DHX9: variants seen among roughly 807,000 people sequenced by gnomAD.
DHX9 encodes DExH-box helicase 9.
A neutral mutation model predicts 148.7 loss-of-function variants in DHX9; 27 were observed. That is an observed-to-expected ratio of 0.18 (90% CI 0.13 to 0.25). The LOEUF (loss-of-function observed/expected upper bound fraction) is 0.25, where lower values mean the gene tolerates loss of function less well. Ranked by LOEUF, DHX9 falls within the 10% of genes least tolerant of loss-of-function variation. The pLI is 1.00. For missense variants in DHX9, 796 were observed against 1,559.6 expected, an observed-to-expected ratio of 0.51 and a Z score of 8.25; for synonymous variants, 529 against 516.6, an observed-to-expected ratio of 1.02 and a Z score of -0.33.
chr1:182,861,087 A>G (rs1668354913), intron 12 of DHX9, among the ~76,000 whole-genome samples: 1 of 152,202 alleles, frequency 6.6e-6, no homozygotes, highest in Non-Finnish European at 1.5e-5. Flanking sequence ...TATATCTGAA[A>G]CTTTTTAACA....
chr1:182,885,118 T>G (rs1157856868), intron 27 of DHX9, among the ~76,000 whole-genome samples: 1 of 152,232 alleles, frequency 6.6e-6, no homozygotes, highest in South Asian at 2.1e-4. Context: ...ACAGCCCAGA[T>G]AGCCCTTTTT....
chr1:182,857,513 G>A (rs1245671167), intron 7 of DHX9, among the ~76,000 whole-genome samples: 2 of 152,146 alleles, frequency 1.3e-5, no homozygotes, highest in Non-Finnish European at 2.9e-5. Context: ...GACTTTACAG[G>A]TCACACATTG....
intron 19 of DHX9, 96 bp downstream of exon 19, chr1:182,876,999 C>T (rs1308197674): frequency 3.7e-5 from 30 of 801,398 alleles, no homozygotes; most frequent in South Asian, 2.5e-4. Context: ...TTTTAAACTC[C>T]TGTGTTCTTA....
rs775429760 is a variant in DHX9 at position 182,880,596 on chromosome 1, G to C, written c.2612G>C (p.Gly871Ala). 22 of 1,609,714 alleles carry C rather than the reference G, an allele frequency of 1.4e-5. No homozygotes were observed. Among genetic ancestry groups the C allele is most frequent in the Non-Finnish European group, 1.9e-5 (22 of 1,176,422 alleles). The change falls in exon 22 of 28, where the codon GGG (glycine) becomes GCG (alanine). Residue 871 changes from glycine (G) to alanine (A), a missense_variant. Gly to Ala is a moderately conservative substitution (Grantham distance 60). Coordinates refer to ENST00000367549, the MANE Select transcript of DHX9 (RefSeq NM_001357.5). Reference protein sequence around the residue: ...EPRFGKMMIMGCIFYVGDAIC... With the variant: ...EPRFGKMMIMACIFYVGDAIC... ...CGTTTTGGCAAAATGATGATAATGG[G>C]GTGTATTTTCTAGTAAGTGCTTTGT...
chr1:182,875,101 A>G, intron 16 of DHX9, 147 bp downstream of exon 16: 1 of 716,788 alleles, frequency 1.4e-6, no homozygotes, highest in Admixed American at 2.1e-5. Flanking sequence ...TAATTGATGT[A>G]TTTTACTGCA....
At chr1:182,880,051 T>G (rs57808357) in intron 21 of DHX9, among the ~76,000 whole-genome samples, 3,940 of 152,214 alleles carry the variant, frequency 0.026, 170 homozygotes, top group African/African-American at 0.09. Flanking sequence ...CTTGCTAAAC[T>G]TGTTAGAGGT....
chr1:182,852,153 TC>T (rs1557966468), intron 3 of DHX9, 79 bp from the exon 4 acceptor site: 5 of 791,394 alleles, frequency 6.3e-6, no homozygotes, highest in Non-Finnish European at 1.0e-5. Context: ...GACACATGGG[TC>T]CTTTTAAGTA....
chr1:182,867,413 G>GT (rs560211039), intron 14 of DHX9, among the ~76,000 whole-genome samples: 5 of 151,698 alleles, frequency 3.3e-5, no homozygotes, highest in Non-Finnish European at 7.4e-5. Flanking sequence ...TTTTTGTTTT[G>GT]TTTTTTTGAG....
rs1262086715 is a variant in DHX9 at position 182,883,289 on chromosome 1, T to C, written c.3065T>C (p.Ile1022Thr). The change falls in exon 25 of 28, where the codon ATC becomes ACC. Residue 1022 changes from isoleucine to threonine, a missense_variant. Around this residue, in one of 14 missense-constraint regions of DHX9, gnomAD observed 14 missense variants for 87.5 expected, o/e 0.16. Transcript: ENST00000367549. ...ACCACTGAAGGGCGTAATGCACTTA[T>C]CCACAAATCATCTGTTAATTGTCCT... ...ILTTEGRNALIHKSSVNCPFS... is the reference protein window; with the variant it reads ...ILTTEGRNALTHKSSVNCPFS... 1.2e-6 allele frequency: 2 copies of C among 1,614,072 alleles called. No homozygotes were observed. Among genetic ancestry groups the C allele is most frequent in the Non-Finnish European group, 1.7e-6 (2 of 1,180,020 alleles).
chr1:182,880,712 C>T (rs1286606515), intron 22 of DHX9, 104 bp downstream of exon 22: 6 of 707,860 alleles, frequency 8.5e-6, no homozygotes, highest in Non-Finnish European at 1.4e-5. Flanking sequence ...AAAAAAAATC[C>T]TAAATGTTCT....
intron 3 of DHX9, among the ~76,000 whole-genome samples, chr1:182,848,352 G>C (rs1668070218): frequency 6.6e-6 from 1 of 152,316 alleles, no homozygotes; most frequent in Non-Finnish European, 1.5e-5. Context: ...TGAAGGCCAG[G>C]GATGCTGCTA....
chr1:182,875,613 T>G (rs1648725705), intron 16 of DHX9, among the ~76,000 whole-genome samples: 2 of 145,482 alleles, frequency 1.4e-5, no homozygotes, highest in African/African-American at 5.7e-5. Flanking sequence ...AACCTAAGAT[T>G]ATATCTTTTT....
intron 4 of DHX9, among the ~76,000 whole-genome samples, chr1:182,852,563 C>A (rs2275175): frequency 0.23 from 35,238 of 152,098 alleles, 7,238 homozygotes; most frequent in African/African-American, 0.55. Context: ...GCTTTTACTA[C>A]ATTTTTCTCT....
intron 15 of DHX9, among the ~76,000 whole-genome samples, chr1:182,873,322 A>C (rs1648624503): frequency 6.6e-6 from 1 of 152,124 alleles, no homozygotes; most frequent in Admixed American, 6.5e-5. Context: ...CTGTGGGGGA[A>C]AAAAAAGAAT....
chr1:182,851,101 C>T (rs1668136139), intron 3 of DHX9, among the ~76,000 whole-genome samples: 1 of 152,126 alleles, frequency 6.6e-6, no homozygotes, highest in South Asian at 2.1e-4. Flanking sequence ...TTAGGGCTGA[C>T]CCTTGAATAG....
intron 4 of DHX9, among the ~76,000 whole-genome samples, chr1:182,852,871 G>A (rs1332346004): frequency 6.8e-6 from 1 of 147,648 alleles, no homozygotes; most frequent in East Asian, 2.0e-4. Context: ...ATTAGGATTT[G>A]GGTCATATTG....
At chr1:182,885,889 G>A (rs918349535) in intron 27 of DHX9, among the ~76,000 whole-genome samples, 1 of 152,246 alleles carries the variant, frequency 6.6e-6, no homozygotes, top group Non-Finnish European at 1.5e-5. Context: ...TAGGAGAAGA[G>A]AGATTATTTT....
chr1:182,853,080 C>T (rs1016943040), intron 4 of DHX9, among the ~76,000 whole-genome samples: 4 of 151,934 alleles, frequency 2.6e-5, no homozygotes, highest in Admixed American at 2.0e-4. Context: ...GCATATGCCA[C>T]CATGCCCGGC....
chr1:182,851,770 T>C (rs905470393), intron 3 of DHX9, among the ~76,000 whole-genome samples: 1 of 152,208 alleles, frequency 6.6e-6, no homozygotes, highest in African/African-American at 2.4e-5. Context: ...AATGATCTTA[T>C]AAGAGAAAAA....
Sources: gnomAD v4.1 joint callset for allele counts (sites outside exome capture counted in the v4.1 genomes callset) on GRCh38, gnomAD v4.1.1 for gene constraint, gnomAD v4.1.1 regional missense constraint, MANE v1.5 for transcripts, NCBI Gene and HGNC (gene_info 2026-07-23, HGNC 2026-07-21) for gene names.